ASF1B: variants seen among roughly 807,000 people sequenced by gnomAD.
ASF1B encodes histone chaperone ASF1B.
Under a neutral mutation model 16.6 loss-of-function variants are expected in ASF1B, and 10 were observed. That is an observed-to-expected ratio of 0.60 (90% CI 0.37 to 1.02). ASF1B has a LOEUF of 1.02. Ranked by LOEUF, ASF1B falls within the 50% of genes least tolerant of loss-of-function variation. ASF1B has a pLI of 0.01. For missense variants in ASF1B, 240 were observed against 266.0 expected (o/e 0.90, Z 0.68); for synonymous variants, 101 against 106.2 (o/e 0.95, Z 0.30).
intron 1 of ASF1B, among the ~76,000 whole-genome samples, chr19:14,135,999 G>A (rs1599361752): frequency 6.7e-6 from 1 of 150,192 alleles, no homozygotes. Flanking sequence ...GATGGATGAG[G>A]TTCCCCACGC....
At chr19:14,135,116 C>T (rs1311066052) in intron 1 of ASF1B, among the ~76,000 whole-genome samples, 18 of 149,410 alleles carry the variant, frequency 1.2e-4, no homozygotes, top group Non-Finnish European at 1.8e-4. Context: ...CCCAGCTACT[C>T]GGGAGGCTGA....
chr19:14,122,008 G>A (rs1434689763), intron 2 of ASF1B, among the ~76,000 whole-genome samples: 2 of 151,014 alleles, frequency 1.3e-5, no homozygotes, highest in African/African-American at 4.9e-5. Flanking sequence ...TCGGCTCACT[G>A]CAACCTCCGC....
rs1193527437 is a variant in ASF1B, at chr19:14,120,512, G to T, written c.556C>A (p.Leu186Ile). ...AGGAGGCCAGGGATGCAGCCAGGGAGCCCCAAGCCCTTGATAGGAGTGCAG... is the reference window on the plus strand; with the variant it reads ...AGGAGGCCAGGGATGCAGCCAGGGATCCCCAAGCCCTTGATAGGAGTGCAG... ...LNCTPIKGLGLPGCIPGLLPE... is the reference protein window; with the variant it reads ...LNCTPIKGLGIPGCIPGLLPE... The change falls in exon 4 of 4, where the codon CTC becomes ATC. Residue 186 changes from leucine (L) to isoleucine (I), a missense_variant. Transcript: ENST00000263382. 6.2e-7 allele frequency: 1 copy of T among 1,613,014 alleles called. No individual in the cohort carries two copies. The highest frequency in any genetic ancestry group is 8.5e-7 in the Non-Finnish European group (1 of 1,179,480).
At chr19:14,123,328 C>T (rs1163445837) in intron 2 of ASF1B, among the ~76,000 whole-genome samples, 2 of 151,098 alleles carry the variant, frequency 1.3e-5, no homozygotes, top group African/African-American at 4.9e-5. Context: ...GCAGAGGATC[C>T]TGAAAAATCA....
chr19:14,122,397 C>T (rs772663494), intron 2 of ASF1B, among the ~76,000 whole-genome samples: 1 of 150,132 alleles, frequency 6.7e-6, no homozygotes, highest in Non-Finnish European at 1.5e-5. Context: ...GTCTGGCCTC[C>T]CTCTGTTACC....
Position 14,136,359 on chromosome 19 carries a change from G to A in ASF1B, c.98C>T (p.Ala33Val). 6.2e-7 allele frequency: 1 copy of A among 1,613,418 alleles called. No individual in the cohort carries two copies. Among genetic ancestry groups the A allele is most frequent in the East Asian group, 2.2e-5 (1 of 44,866 alleles). The part of the protein sequence containing the change: ...RFEISFECSE[A>V]LADDLEWKII... Reference sequence around the variant, plus strand: ...AGGCCCAGCCTCACCGTCCGCCAGGGCTTCACTGCACTCGAAGCTGATCTC... The same window carrying A: ...AGGCCCAGCCTCACCGTCCGCCAGGACTTCACTGCACTCGAAGCTGATCTC... The change falls in exon 1 of 4, where the codon GCC (alanine) becomes GTC (valine). Residue 33 changes from alanine to valine, a missense_variant. Physicochemically the swap from Ala to Val is moderately conservative, Grantham distance 64. Coordinates refer to ENST00000263382, the MANE Select transcript of ASF1B (RefSeq NM_018154.3).
At chr19:14,127,179 G>A (rs559110682) in intron 1 of ASF1B, among the ~76,000 whole-genome samples, 1 of 152,362 alleles carries the variant, frequency 6.6e-6, no homozygotes, top group South Asian at 2.1e-4. Context: ...CTTGAATGCT[G>A]AGGTGGGCAC....
At chr19:14,124,784 T>C (rs1967293817) in intron 2 of ASF1B, among the ~76,000 whole-genome samples, 1 of 152,186 alleles carries the variant, frequency 6.6e-6, no homozygotes, top group Admixed American at 6.5e-5. Context: ...TTCCATGTTT[T>C]GTGCTTTTTG....
chr19:14,128,884 C>G (rs1375334062), intron 1 of ASF1B, among the ~76,000 whole-genome samples: 1 of 152,186 alleles, frequency 6.6e-6, no homozygotes, highest in Non-Finnish European at 1.5e-5. Flanking sequence ...TATCCTTGAG[C>G]CCTTTCCTCT....
At chr19:14,132,407 A>G (rs973012245) in intron 1 of ASF1B, among the ~76,000 whole-genome samples, 9 of 152,138 alleles carry the variant, frequency 5.9e-5, no homozygotes, top group Non-Finnish European at 1.2e-4. Context: ...AGAGGAGTCC[A>G]GAAGGAGGCA....
chr19:14,126,669 A>T (rs772047548), intron 1 of ASF1B, among the ~76,000 whole-genome samples: 6 of 152,114 alleles, frequency 3.9e-5, no homozygotes, highest in Non-Finnish European at 8.8e-5. Context: ...ACAGGGTTTC[A>T]CCATGTTGAT....
chr19:14,133,613 A>G (rs1967439878), intron 1 of ASF1B, among the ~76,000 whole-genome samples: 1 of 151,294 alleles, frequency 6.6e-6, no homozygotes, highest in African/African-American at 2.4e-5. Flanking sequence ...GGTTGCAGTG[A>G]GCCAAGATCG....
intron 2 of ASF1B, among the ~76,000 whole-genome samples, chr19:14,123,528 C>T (rs1363855837): frequency 1.3e-5 from 2 of 151,382 alleles, no homozygotes; most frequent in Non-Finnish European, 1.5e-5. Flanking sequence ...TACAGGTGCC[C>T]GCCACCAGGC....
At chr19:14,136,063 TG>T (rs1967491805) in intron 1 of ASF1B, among the ~76,000 whole-genome samples, 1 of 71,460 alleles carries the variant, frequency 1.4e-5, no homozygotes, top group Non-Finnish European at 2.9e-5. Flanking sequence ...GGGCGGGCAG[TG>T]GGGGAAGAGG....
At chr19:14,123,752 TA>T (rs1967277084) in intron 2 of ASF1B, among the ~76,000 whole-genome samples, 1 of 151,524 alleles carries the variant, frequency 6.6e-6, no homozygotes, top group Non-Finnish European at 1.5e-5. Flanking sequence ...CAGATCACTG[TA>T]AACTCCTGGA....
At chr19:14,123,072 G>A (rs867277363) in intron 2 of ASF1B, among the ~76,000 whole-genome samples, 78 of 152,292 alleles carry the variant, frequency 5.1e-4, no homozygotes, top group African/African-American at 1.8e-3. Flanking sequence ...TAAAACCAAT[G>A]CAAAATGAAA....
intron 2 of ASF1B, among the ~76,000 whole-genome samples, chr19:14,122,313 C>T (rs1967251540): frequency 6.6e-6 from 1 of 151,886 alleles, no homozygotes; most frequent in African/African-American, 2.4e-5. Context: ...GTGATCTGCC[C>T]ACCTCGGCCT....
At chr19:14,122,450 T>G (rs1437155645) in intron 2 of ASF1B, among the ~76,000 whole-genome samples, 3 of 151,820 alleles carry the variant, frequency 2.0e-5, no homozygotes, top group Admixed American at 2.0e-4. Flanking sequence ...ACTGCATCCT[T>G]GAACTCCTGG....
Position 14,136,537 on chromosome 19 carries a change from G to C in ASF1B, c.-81C>G. On this transcript the variant is annotated 5_prime_UTR_variant, in exon 1 of 4. Coordinates refer to ENST00000263382, the MANE Select transcript of ASF1B (RefSeq NM_018154.3). ...GCGCCTGGGTCCGGTGGGGTCAGTG[G>C]GGTAGGGCTGACCAGGTCCACTCCC... The C allele has an allele frequency of 1.6e-6, 2 of 1,218,024 alleles. No individual in the cohort carries two copies. The highest frequency in any genetic ancestry group is 1.4e-5 in the South Asian group (1 of 73,798). The allele number at this position is 1,218,024 out of a possible 1,614,324, so 75.5% of individuals were successfully genotyped here.
Sources: allele counts gnomAD v4.1 joint callset (sites outside exome capture counted in the v4.1 genomes callset), GRCh38; gene constraint gnomAD v4.1.1; transcripts MANE v1.5; gene names NCBI Gene and HGNC (gene_info 2026-07-23, HGNC 2026-07-21).